JARID2: variants seen among roughly 807,000 people sequenced by gnomAD.
JARID2 encodes the protein jumonji and AT-rich interaction domain containing 2, also known as protein Jumonji.
JARID2 carries 21 observed loss-of-function variants against 125.6 expected under a neutral mutation model. The observed-to-expected ratio is 0.17, with a 90% CI of 0.12 to 0.24. JARID2 has a LOEUF of 0.24. Among genes scored for constraint, JARID2 ranks in the 10% least tolerant of loss-of-function variants. The probability of loss-of-function intolerance (pLI) is 1.00; values close to 1 mark genes in which losing one functional copy is unlikely to be tolerated. For synonymous variants in JARID2, 736 were observed against 661.6 expected (o/e 1.11, Z -1.73); for missense variants, 1,303 against 1,639.6 (o/e 0.79, Z 3.55).
chr6:15,469,280 CTCTG>C (rs1310874050), intron 5 of JARID2, among the ~76,000 whole-genome samples: 1 of 84,608 alleles, frequency 1.2e-5, no homozygotes, highest in African/African-American at 4.7e-5. Flanking sequence ...CTCTCTGTCT[CTCTG>C]TCTCTGTCTC....
intron 1 of JARID2, among the ~76,000 whole-genome samples, chr6:15,312,659 G>C (rs1239147791): frequency 6.6e-6 from 1 of 152,158 alleles, no homozygotes; most frequent in African/African-American, 2.4e-5. Flanking sequence ...TGTGTGTATG[G>C]TTTGTTCCTT....
chr6:15,513,529 G>A (rs1771382880), intron 16 of JARID2, 107 bp downstream of exon 16: 1 of 1,110,430 alleles, frequency 9.0e-7, no homozygotes. Flanking sequence ...GAGACCTGCT[G>A]TGCTCCCATC....
intron 5 of JARID2, among the ~76,000 whole-genome samples, chr6:15,476,010 T>C (rs1020552478): frequency 6.6e-6 from 1 of 152,176 alleles, no homozygotes; most frequent in Non-Finnish European, 1.5e-5. Context: ...ACTTTTCCAT[T>C]ACAGGGTATT....
chr6:15,431,849 A>C (rs1463114695), intron 3 of JARID2, among the ~76,000 whole-genome samples: 1 of 152,154 alleles, frequency 6.6e-6, no homozygotes, highest in African/African-American at 2.4e-5. Flanking sequence ...TTCTGTTGAA[A>C]TCCTCTTAAG....
At chr6:15,274,044 T>C (rs1760401003) in intron 1 of JARID2, among the ~76,000 whole-genome samples, 1 of 151,874 alleles carries the variant, frequency 6.6e-6, no homozygotes, top group Admixed American at 6.6e-5. Context: ...TTCTCCTGCC[T>C]CAGCCTCCGG....
Position 15,360,118 on chromosome 6 carries a change from A to G in JARID2, c.46-13999A>G, listed in dbSNP as rs143430983. Among the ~76,000 whole-genome samples the G allele has an allele frequency of 7.6e-4, 115 of 151,732 alleles. 1 individual carries two copies. The East Asian group carries it at 0.019, about 25-fold the overall frequency. On this transcript the variant is annotated intron_variant, in intron 1 of 17. Transcript: ENST00000341776. ...CTTGAGTAATTTCTCTTTCTATCCA[A>G]GACTCTTCTGTGTTAGTCATTCTTT... is the stretch of plus-strand genomic sequence containing the variant.
chr6:15,494,433 T>TTTTTTA (rs1554144113), intron 6 of JARID2, among the ~76,000 whole-genome samples: 1 of 147,296 alleles, frequency 6.8e-6, no homozygotes. Context: ...TTTTTTTTTT[T>TTTTTTA]GAGACAAGAG....
intron 1 of JARID2, among the ~76,000 whole-genome samples, chr6:15,271,987 G>A (rs1303154325): frequency 1.3e-5 from 2 of 151,772 alleles, no homozygotes; most frequent in Non-Finnish European, 2.9e-5. Context: ...GCGGCAGAGC[G>A]AGACTGTCGC....
intron 3 of JARID2, among the ~76,000 whole-genome samples, chr6:15,411,841 A>G (rs1006622126): frequency 5.9e-5 from 9 of 152,110 alleles, no homozygotes; most frequent in Non-Finnish European, 1.0e-4. Context: ...CATCACCCTC[A>G]CTTCTGGCTG....
Position 15,325,044 on chromosome 6 carries a change from C to CT in JARID2, c.46-49064dup, listed in dbSNP as rs147509046. 7.7e-3 allele frequency among the ~76,000 whole-genome samples: 1,156 copies of CT among 151,018 alleles called. 15 individuals carry two copies. Among genetic ancestry groups the CT allele is most frequent in the African/African-American group, 0.027 (1,092 of 41,154 alleles). ...GTGTATTCGTATGTGTTTATAATTT[C>CT]TTTTTTTTTCTTTAATGAGGACCAT... On this transcript the variant is annotated intron_variant, in intron 1 of 17. Coordinates refer to ENST00000341776, the MANE Select transcript of JARID2 (RefSeq NM_004973.4).
chr6:15,458,465 G>T (rs546626961), intron 4 of JARID2, among the ~76,000 whole-genome samples: 1 of 152,306 alleles, frequency 6.6e-6, no homozygotes, highest in African/African-American at 2.4e-5. Context: ...GTGAAGCAAT[G>T]CTGTCTTGTT....
chr6:15,258,374 C>T (rs1010239004), intron 1 of JARID2, among the ~76,000 whole-genome samples: 2 of 152,212 alleles, frequency 1.3e-5, no homozygotes, highest in Admixed American at 1.3e-4. Flanking sequence ...CACTTCACCT[C>T]TCCAGGTCTC....
At chr6:15,351,624 G>A (rs1212679361) in intron 1 of JARID2, among the ~76,000 whole-genome samples, 1 of 152,224 alleles carries the variant, frequency 6.6e-6, no homozygotes, top group Non-Finnish European at 1.5e-5. Context: ...ACTTGCACCT[G>A]TGTTCTGGGA....
At chr6:15,512,579 T>G (rs1294799769) in intron 14 of JARID2, among the ~76,000 whole-genome samples, 189 bp downstream of exon 14, 1 of 152,226 alleles carries the variant, frequency 6.6e-6, no homozygotes, top group Non-Finnish European at 1.5e-5. Context: ...GGGATTTGTT[T>G]GTATCACAAA....
intron 2 of JARID2, among the ~76,000 whole-genome samples, chr6:15,397,742 A>G (rs1332296998): frequency 6.6e-6 from 1 of 152,232 alleles, no homozygotes; most frequent in African/African-American, 2.4e-5. Context: ...TTGCCATTCA[A>G]CTTGTAAATT....
At chr6:15,311,318 CTGT>C (rs1762003678) in intron 1 of JARID2, among the ~76,000 whole-genome samples, 5 of 152,220 alleles carry the variant, frequency 3.3e-5, no homozygotes, top group African/African-American at 4.8e-5. Flanking sequence ...TGGCTCATGC[CTGT>C]AATCCCAAAA....
intron 1 of JARID2, among the ~76,000 whole-genome samples, chr6:15,295,607 G>A (rs148187020): frequency 6.6e-6 from 1 of 152,214 alleles, no homozygotes; most frequent in Non-Finnish European, 1.5e-5. Context: ...GATGAAGACC[G>A]GTTTCAGAAA....
chr6:15,340,868 GGATTAC>G (rs1763045308), intron 1 of JARID2, among the ~76,000 whole-genome samples: 1 of 152,104 alleles, frequency 6.6e-6, no homozygotes, highest in Admixed American at 6.5e-5. Context: ...GTCAGCTATG[GGATTAC>G]GATGTTTGCC....
At chr6:15,321,505 G>C (rs1323003629) in intron 1 of JARID2, among the ~76,000 whole-genome samples, 1 of 152,114 alleles carries the variant, frequency 6.6e-6, no homozygotes, top group Non-Finnish European at 1.5e-5. Context: ...CTTCTGCTCT[G>C]TTTCTTAAAT....
Sources: allele counts gnomAD v4.1 joint callset (sites outside exome capture counted in the v4.1 genomes callset), GRCh38; gene constraint gnomAD v4.1.1; transcripts MANE v1.5; gene names NCBI Gene and HGNC (gene_info 2026-07-23, HGNC 2026-07-21).